SLC8A1: variants seen among roughly 807,000 people sequenced by gnomAD.
SLC8A1 encodes sodium/calcium exchanger 1.
SLC8A1 carries 18 observed loss-of-function variants against 68.3 expected under a neutral mutation model. That is an observed-to-expected ratio of 0.26 (90% CI 0.18 to 0.39). The LOEUF (loss-of-function observed/expected upper bound fraction) is 0.39. SLC8A1 is among the 10% of genes least tolerant of loss of function. The probability of loss-of-function intolerance (pLI) is 1.00; values close to 1 mark genes in which losing one functional copy is unlikely to be tolerated. For synonymous variants in SLC8A1, 475 were observed against 415.5 expected (o/e 1.14, Z -1.74); for missense variants, 985 against 1,156.7 (o/e 0.85, Z 2.15).
chr2:40,239,681 AAAAAAC>A (rs377696107), intron 2 of SLC8A1, among the ~76,000 whole-genome samples: 209 of 152,310 alleles, frequency 1.4e-3, no homozygotes, highest in Middle Eastern at 0.014. Flanking sequence ...CTCTGTCTCA[AAAAAAC>A]AAAAACAAAA....
chr2:40,226,388 TC>T (rs977131691), intron 2 of SLC8A1, among the ~76,000 whole-genome samples: 34 of 152,104 alleles, frequency 2.2e-4, no homozygotes, highest in African/African-American at 8.0e-4. Flanking sequence ...GGCATTGTGG[TC>T]CGTAAGAAAT....
At chr2:40,403,542 C>T (rs1206016027) in intron 2 of SLC8A1, among the ~76,000 whole-genome samples, 1 of 152,204 alleles carries the variant, frequency 6.6e-6, no homozygotes, top group Non-Finnish European at 1.5e-5. Context: ...GGAGTAAATT[C>T]AGTAGAACCC....
At chr2:40,450,165 G>T (rs1304023010) in intron 1 of SLC8A1, among the ~76,000 whole-genome samples, 7 of 152,140 alleles carry the variant, frequency 4.6e-5, no homozygotes, top group Admixed American at 1.3e-4. Flanking sequence ...TCCCAATTAA[G>T]CAAGTTTAGC....
exon 2 of SLC8A1, chr2:40,429,703 C>G: frequency 1.2e-6 from 2 of 1,613,828 alleles, no homozygotes; most frequent in Non-Finnish European, 8.5e-7. Context: ...CCTTGTCTCT[C>G]CGTCAGGCAC....
chr2:40,281,368 A>C (rs1342576713), intron 2 of SLC8A1, among the ~76,000 whole-genome samples: 1 of 152,206 alleles, frequency 6.6e-6, no homozygotes, highest in African/African-American at 2.4e-5. Flanking sequence ...AATAAGAACA[A>C]AAAAAGCAAC....
intron 2 of SLC8A1, among the ~76,000 whole-genome samples, chr2:40,283,981 G>C (rs2067886545): frequency 6.6e-6 from 1 of 152,084 alleles, no homozygotes; most frequent in Non-Finnish European, 1.5e-5. Flanking sequence ...GCTTGTAATT[G>C]TTAATGTAGT....
chr2:40,429,831 G>C (rs879097478), exon 2 of SLC8A1: 1 of 1,613,626 alleles, frequency 6.2e-7, no homozygotes, highest in Non-Finnish European at 8.5e-7. Context: ...TTACTGAAAG[G>C]AGAATCTCAG....
chr2:40,499,391 A>T (rs1330892788), intron 1 of SLC8A1, among the ~76,000 whole-genome samples: 3 of 152,124 alleles, frequency 2.0e-5, no homozygotes, highest in African/African-American at 7.2e-5. Context: ...GTTAGGATTT[A>T]GTGAGTTAAT....
chr2:40,462,534 C>A (rs1165856487), intron 1 of SLC8A1, among the ~76,000 whole-genome samples: 1 of 150,978 alleles, frequency 6.6e-6, no homozygotes, highest in Non-Finnish European at 1.5e-5. Flanking sequence ...GCAGGCGGGG[C>A]ATGGTGGTTC....
chr2:40,264,248 G>C (rs1240322414), intron 2 of SLC8A1, among the ~76,000 whole-genome samples: 3 of 151,836 alleles, frequency 2.0e-5, no homozygotes, highest in African/African-American at 7.2e-5. Context: ...TTACACTGTT[G>C]GTGGGACTGT....
chr2:40,354,949 A>G (rs1198194906), intron 2 of SLC8A1, among the ~76,000 whole-genome samples: 1 of 152,204 alleles, frequency 6.6e-6, no homozygotes, highest in Non-Finnish European at 1.5e-5. Context: ...GGCATAAAGA[A>G]CAGGCATAGA....
At chr2:40,409,977 G>A (rs1448952638) in intron 2 of SLC8A1, among the ~76,000 whole-genome samples, 1 of 151,876 alleles carries the variant, frequency 6.6e-6, no homozygotes, top group African/African-American at 2.4e-5. Flanking sequence ...TAGTGAATAG[G>A]AGCAACCACG....
intron 2 of SLC8A1, among the ~76,000 whole-genome samples, chr2:40,219,537 G>A (rs1390583591): frequency 2.0e-5 from 3 of 152,120 alleles, no homozygotes; most frequent in South Asian, 4.1e-4. Context: ...TAGAAATGAA[G>A]TTGAAATATA....
chr2:40,287,433 C>T (rs1193232284), intron 2 of SLC8A1, among the ~76,000 whole-genome samples: 1 of 151,802 alleles, frequency 6.6e-6, no homozygotes. Context: ...CCATAATGAC[C>T]CTGAATCATA....
rs946652390 is a variant in SLC8A1 at position 40,281,076 on chromosome 2, G to C, written c.1809-103221C>G. Among the ~76,000 whole-genome samples the C allele has an allele frequency of 3.3e-5, 5 of 152,222 alleles. No individual in the cohort carries two copies. The South Asian group carries it at 6.2e-4, about 19-fold the overall frequency. Reference sequence around the variant, plus strand: ...ATAACTTGCCTGCTTAGTTTTGATGGAATGAGCCAATGAATGACAGTAAGA... The same window carrying C: ...ATAACTTGCCTGCTTAGTTTTGATGCAATGAGCCAATGAATGACAGTAAGA... On this transcript the variant is annotated intron_variant, in intron 2 of 7. Transcript: ENST00000406785.
At chr2:40,461,192 T>C (rs1276607293) in intron 1 of SLC8A1, among the ~76,000 whole-genome samples, 4 of 152,170 alleles carry the variant, frequency 2.6e-5, no homozygotes, top group African/African-American at 7.2e-5. Context: ...GATACTATTA[T>C]AGGAAAAAAA....
At chr2:40,209,488 G>C (rs376430133) in intron 2 of SLC8A1, among the ~76,000 whole-genome samples, 4 of 152,106 alleles carry the variant, frequency 2.6e-5, no homozygotes, top group African/African-American at 7.2e-5. Context: ...CTCTTGAAAG[G>C]ACTTCTGAGG....
exon 8 of SLC8A1, chr2:40,115,625 T>A: frequency 4.4e-6 from 7 of 1,606,338 alleles, no homozygotes; most frequent in Non-Finnish European, 5.9e-6. Flanking sequence ...TGCTGGCAAA[T>A]GTGTCTGCAG....
chr2:40,166,188 C>T (rs1399063174), intron 4 of SLC8A1, among the ~76,000 whole-genome samples: 1 of 152,236 alleles, frequency 6.6e-6, no homozygotes, highest in Non-Finnish European at 1.5e-5. Flanking sequence ...ATGGCCTCCC[C>T]CCTGCTGAGG....
Sources: gnomAD v4.1 joint callset for allele counts (sites outside exome capture counted in the v4.1 genomes callset) on GRCh38, gnomAD v4.1.1 for gene constraint, MANE v1.5 for transcripts, NCBI Gene and HGNC (gene_info 2026-07-23, HGNC 2026-07-21) for gene names.